Variants in GNAO1 observed in about 807,000 individuals in gnomAD.
GNAO1 encodes the protein guanine nucleotide-binding protein G(o) subunit alpha.
For missense variants in GNAO1, 166 were observed against 478.7 expected (o/e 0.35, Z 6.10); for synonymous variants, 164 against 180.7 (o/e 0.91, Z 0.74).
chr16:56,222,390 G>C (rs1245939228), intron 2 of GNAO1, among the ~76,000 whole-genome samples: 1 of 152,130 alleles, frequency 6.6e-6, no homozygotes, highest in Non-Finnish European at 1.5e-5. Context: ...TAGAACACTA[G>C]GAGGTAGTGG....
At chr16:56,272,936 G>A (rs1397985845) in intron 2 of GNAO1, among the ~76,000 whole-genome samples, 1 of 152,176 alleles carries the variant, frequency 6.6e-6, no homozygotes, top group Non-Finnish European at 1.5e-5. Flanking sequence ...ATGGGGACCA[G>A]CAAATCCTGC....
At chr16:56,282,032 C>T (rs1365998059) in intron 3 of GNAO1, among the ~76,000 whole-genome samples, 1 of 152,178 alleles carries the variant, frequency 6.6e-6, no homozygotes, top group Non-Finnish European at 1.5e-5. Flanking sequence ...GTTGAAAATA[C>T]TCCAGTTTTC....
rs143489178 is a variant in GNAO1, at chr16:56,350,744, A to G, written c.724-640A>G. ...ACCCAGGATGCTGGCAGGACCTGGC[A>G]TGCCTTCCCCTGAGACCATAGGAAG... On this transcript the variant is annotated intron_variant, in intron 6 of 8. Transcript: ENST00000262493. Among the ~76,000 whole-genome samples, 477 of 152,182 alleles carry G rather than the reference A, an allele frequency of 3.1e-3. 4 individuals are homozygous for G. Among genetic ancestry groups the G allele is most frequent in the African/African-American group, 0.011 (459 of 41,516 alleles).
rs2036180828 is a variant in GNAO1 at position 56,192,135 on chromosome 16, C to T, written c.-101C>T. ...CAGGAGAGGATATCGTGATTTTCCC[C>T]CCTTGAGCCCAGGCTCTGCTCTCTG... On this transcript the variant is annotated 5_prime_UTR_variant, in exon 1 of 9. Coordinates refer to ENST00000262493, the MANE Select transcript of GNAO1 (RefSeq NM_020988.3). The T allele has an allele frequency of 1.0e-5, 7 of 671,458 alleles. No individual in the cohort carries two copies. The highest frequency in any genetic ancestry group is 1.0e-4 in the Admixed American group (4 of 39,764). 41.6% of individuals were successfully genotyped at this position (671,458 alleles called of 1,614,324 possible). A position where few individuals can be genotyped will look rare whatever the true frequency, so the allele number is the denominator to read the frequency against.
chr16:56,297,522 G>GGTGTGT (rs10545712), intron 3 of GNAO1, among the ~76,000 whole-genome samples: 6,269 of 134,304 alleles, frequency 0.047, 186 homozygotes, highest in Non-Finnish European at 0.064. Context: ...TTGTCTAACT[G>GGTGTGT]GTGTGTGTGT....
At chr16:56,314,031 G>T (rs1450106380) in intron 3 of GNAO1, among the ~76,000 whole-genome samples, 1 of 152,174 alleles carries the variant, frequency 6.6e-6, no homozygotes, top group Admixed American at 6.5e-5. Flanking sequence ...TACTATGAAT[G>T]ATTTTTAACA....
chr16:56,241,245 C>T (rs1226425921), intron 2 of GNAO1, among the ~76,000 whole-genome samples: 7 of 152,212 alleles, frequency 4.6e-5, no homozygotes, highest in African/African-American at 1.2e-4. Context: ...AGTCCCACTG[C>T]TATCCAGGGA....
intron 2 of GNAO1, among the ~76,000 whole-genome samples, chr16:56,227,952 A>G (rs2036547966): frequency 6.6e-6 from 1 of 152,028 alleles, no homozygotes; most frequent in South Asian, 2.1e-4. Context: ...GTCTGAGAGG[A>G]GCACACAACT....
At chr16:56,319,279 T>C (rs555046333) in intron 3 of GNAO1, among the ~76,000 whole-genome samples, 2 of 152,292 alleles carry the variant, frequency 1.3e-5, no homozygotes, top group African/African-American at 4.8e-5. Context: ...TTCTATCCTT[T>C]TCGCTCAGGT....
At chr16:56,220,061 T>G (rs2036469811) in intron 2 of GNAO1, among the ~76,000 whole-genome samples, 2 of 152,210 alleles carry the variant, frequency 1.3e-5, no homozygotes, top group African/African-American at 4.8e-5. Flanking sequence ...AGGTGGCCCC[T>G]GACAAAACTT....
chr16:56,229,706 G>T (rs1446464610), intron 2 of GNAO1, among the ~76,000 whole-genome samples: 1 of 152,122 alleles, frequency 6.6e-6, no homozygotes, highest in Non-Finnish European at 1.5e-5. Context: ...AAGTTTCATT[G>T]TCTCCATTTC....
chr16:56,237,599 C>A (rs2036650604), intron 2 of GNAO1, among the ~76,000 whole-genome samples: 1 of 152,170 alleles, frequency 6.6e-6, no homozygotes, highest in African/African-American at 2.4e-5. Context: ...AACTGGAATT[C>A]TCCCCCCATG....
intron 3 of GNAO1, chr16:56,276,289 A>C (rs1290985383): frequency 4.6e-6 from 2 of 432,536 alleles, no homozygotes; most frequent in African/African-American, 4.0e-5. Context: ...CAGGGGCTAC[A>C]AAACTCCCGG....
At chr16:56,347,962 C>T in intron 6 of GNAO1, 4 of 972,364 alleles carry the variant, frequency 4.1e-6, no homozygotes, top group Non-Finnish European at 4.9e-6. Flanking sequence ...GCACCCCCCT[C>T]CCCCATCTAG....
chr16:56,333,511 C>G (rs1195624327), intron 4 of GNAO1, among the ~76,000 whole-genome samples: 1 of 152,316 alleles, frequency 6.6e-6, no homozygotes, highest in Non-Finnish European at 1.5e-5. Context: ...CACCCGGCTG[C>G]CAAGTTCATT....
chr16:56,300,909 T>C (rs532778133), intron 3 of GNAO1: 7 of 152,208 alleles, frequency 4.6e-5, no homozygotes, highest in Non-Finnish European at 1.0e-4. Flanking sequence ...AATCAGACCA[T>C]TTGACTTGTC....
intron 3 of GNAO1, among the ~76,000 whole-genome samples, chr16:56,306,414 C>T (rs1436870225): frequency 2.0e-5 from 3 of 152,212 alleles, no homozygotes; most frequent in African/African-American, 7.2e-5. Context: ...TTCAGGGTTT[C>T]CTCCCAACCC....
chr16:56,235,126 G>A (rs191975535), intron 2 of GNAO1: 58 of 353,192 alleles, frequency 1.6e-4, no homozygotes, highest in East Asian at 1.6e-3. Context: ...GGTGCAGTTC[G>A]AAGAGGAGGA....
chr16:56,264,838 TTATA>T (rs1357679876), intron 2 of GNAO1, among the ~76,000 whole-genome samples: 2 of 149,270 alleles, frequency 1.3e-5, no homozygotes, highest in East Asian at 3.9e-4. Flanking sequence ...AGTATACTAA[TTATA>T]TAGTATTAAT....
Sources: gnomAD v4.1 joint callset for allele counts (sites outside exome capture counted in the v4.1 genomes callset) on GRCh38, gnomAD v4.1.1 for gene constraint, MANE v1.5 for transcripts, NCBI Gene and HGNC (gene_info 2026-07-23, HGNC 2026-07-21) for gene names.